FUCA1: variants seen among roughly 807,000 people sequenced by gnomAD.
The protein encoded by FUCA1 is alpha-L-fucosidase 1.
A neutral mutation model predicts 56.8 loss-of-function variants in FUCA1; 52 were observed. That is an observed-to-expected ratio of 0.92 (90% CI 0.73 to 1.15). FUCA1 has a LOEUF of 1.15. Among genes scored for constraint, FUCA1 ranks in the 50% most tolerant of loss-of-function variants. The pLI is 0.00. For synonymous variants in FUCA1, 230 were observed against 226.6 expected (o/e 1.02, Z -0.14); for missense variants, 568 against 592.6 (o/e 0.96, Z 0.43).
chr1:23,856,746 C>T (rs1321567726), intron 4 of FUCA1, among the ~76,000 whole-genome samples: 1 of 152,128 alleles, frequency 6.6e-6, no homozygotes, highest in Non-Finnish European at 1.5e-5. Flanking sequence ...AATCCCAGCA[C>T]TTTGGGAGGC....
rs1455700210 is a variant in FUCA1, at chr1:23,868,256, C to T, written c.31G>A (p.Ala11Thr). 3 of 1,557,690 alleles carry T rather than the reference C, an allele frequency of 1.9e-6. No homozygotes were observed. The highest frequency in any genetic ancestry group is 1.7e-6 in the Non-Finnish European group (2 of 1,153,020). MRAPGMRSRPAGPALLLLLLF... is the reference protein window; with the variant it reads MRAPGMRSRPTGPALLLLLLF... Reference sequence around the variant, plus strand: ...AGCAGCAGCAACAGCGCGGGACCCGCCGGCCGCGACCTCATCCCCGGAGCC... The same window carrying T: ...AGCAGCAGCAACAGCGCGGGACCCGTCGGCCGCGACCTCATCCCCGGAGCC... Residue 11 changes from alanine to threonine, a missense_variant, in exon 1 of 8, where the codon GCG becomes ACG. Physicochemically the swap from Ala to Thr is moderately conservative, Grantham distance 58 (BLOSUM62 0). Transcript: ENST00000374479.
intron 5 of FUCA1, among the ~76,000 whole-genome samples, chr1:23,851,313 G>A (rs535157188): frequency 2.7e-4 from 41 of 152,120 alleles, no homozygotes; most frequent in African/African-American, 9.6e-4. Context: ...GCAGCAGACC[G>A]AGATCGCACC....
chr1:23,849,571 C>T (rs548454884), intron 5 of FUCA1, among the ~76,000 whole-genome samples: 48 of 140,448 alleles, frequency 3.4e-4, no homozygotes, highest in African/African-American at 1.2e-3. Context: ...TAAAGAGATA[C>T]GTTCTTTTTT....
chr1:23,867,653 T>G lies in FUCA1; in HGVS notation c.389+245A>C, dbSNP rs1639652158. ...TAACTCAGCCCTCTCGGTGCACAGG[T>G]GCAGATACCCAGGGCTTCCCAGCCT... is the stretch of plus-strand genomic sequence containing the variant. On this transcript the variant is annotated intron_variant, in intron 1 of 7. Coordinates refer to ENST00000374479, the MANE Select transcript of FUCA1 (RefSeq NM_000147.5). The surrounding 1 kb of genome is among the most constrained non-coding windows in gnomAD (Gnocchi z 4.9). The G allele has an allele frequency of 1.1e-6, 1 of 902,478 alleles. No homozygotes were observed. The highest frequency in any genetic ancestry group is 1.3e-6 in the Non-Finnish European group (1 of 754,528). The allele number at this position is 902,478 out of a possible 1,614,324, so 55.9% of individuals were successfully genotyped here.
In FUCA1 at chr1:23,863,113, C is replaced by A. The variant is rs569022632; in HGVS notation, c.662+21G>T. The A allele has an allele frequency of 8.7e-5, 140 of 1,613,340 alleles. No homozygotes were observed. The South Asian group carries it at 1.5e-3, about 17-fold the overall frequency. The stretch of plus-strand genomic sequence containing the variant: ...ATTTCATTGATAAAAGTCATAGGGC[C>A]AAAATATTTCAGTGTCTTACCTGTT... On this transcript the variant is annotated intron_variant, in intron 3 of 7. Coordinates refer to ENST00000374479, the MANE Select transcript of FUCA1 (RefSeq NM_000147.5).
chr1:23,846,068 CTT>C lies in FUCA1; in HGVS notation c.1260+4_1260+5del, dbSNP rs1173109719. ...TTACATCTTAAGACTGACTAAGCCT[CTT>C]TACCTTTGTAGTTGAGGTAGTTATG... On this transcript the variant is annotated splice_donor_5th_base_variant and intron_variant, in intron 7 of 7. Coordinates refer to ENST00000374479, the MANE Select transcript of FUCA1 (RefSeq NM_000147.5). The C allele has an allele frequency of 3.7e-6, 6 of 1,606,348 alleles. No individual in the cohort carries two copies. In the Admixed American group the frequency reaches 6.7e-5, roughly 18 times the overall value.
rs998093952 is a variant in FUCA1 at position 23,867,676 on chromosome 1, C to G, written c.389+222G>C. The G allele has an allele frequency of 1.0e-6, 1 of 974,820 alleles. No homozygotes were observed. The highest frequency in any genetic ancestry group is 1.8e-5 in the African/African-American group (1 of 56,976). 60.4% of individuals were successfully genotyped at this position (974,820 alleles called of 1,614,324 possible). ...GGTGCAGATACCCAGGGCTTCCCAGCCTGCCATCTCCCTGAACCTTCATTT... is the reference window on the plus strand; with the variant it reads ...GGTGCAGATACCCAGGGCTTCCCAGGCTGCCATCTCCCTGAACCTTCATTT... On this transcript the variant is annotated intron_variant, in intron 1 of 7. Coordinates refer to ENST00000374479, the MANE Select transcript of FUCA1 (RefSeq NM_000147.5). The surrounding 1 kb of genome is among the most constrained non-coding windows in gnomAD (Gnocchi z 4.9).
intron 4 of FUCA1, among the ~76,000 whole-genome samples, chr1:23,858,754 ATTTT>A (rs1423854809): frequency 6.6e-6 from 1 of 151,898 alleles, no homozygotes; most frequent in African/African-American, 2.4e-5. Flanking sequence ...TGTTTTCTTT[ATTTT>A]TATTTTTTGG....
intron 3 of FUCA1, among the ~76,000 whole-genome samples, chr1:23,861,784 G>C (rs1343935415): frequency 6.6e-6 from 1 of 152,196 alleles, no homozygotes; most frequent in Non-Finnish European, 1.5e-5. Context: ...AGGCTTGTAA[G>C]TAACAGGAGG....
In FUCA1 at chr1:23,863,857, A is replaced by AAAAAC. The variant is rs548255965; in HGVS notation, c.525-591_525-587dup. 1.8e-3 allele frequency among the ~76,000 whole-genome samples: 275 copies of AAAAAC among 152,256 alleles called. 5 individuals carry two copies. The East Asian group carries it at 0.042, about 23-fold the overall frequency. ...ACAGAGTGAGACCCTGTCTCAAAACAAAAACAAAACAAAACAAAACAAAAA... is the reference window on the plus strand; with the variant it reads ...ACAGAGTGAGACCCTGTCTCAAAACAAAAACAAAACAAAACAAAACAAAACAAAAA... On this transcript the variant is annotated intron_variant, in intron 2 of 7. Coordinates refer to ENST00000374479, the MANE Select transcript of FUCA1 (RefSeq NM_000147.5).
chr1:23,858,691 G>C (rs1307237255), intron 4 of FUCA1, among the ~76,000 whole-genome samples: 1 of 152,146 alleles, frequency 6.6e-6, no homozygotes, highest in Non-Finnish European at 1.5e-5. Flanking sequence ...GGGATTGTAG[G>C]CATCTGCATT....
At position 23,865,415 on chromosome 1, in the gene FUCA1, C is replaced by T. The variant is rs575731551; in HGVS notation, c.524+76G>A. 3.3e-4 allele frequency: 518 copies of T among 1,586,892 alleles called. 1 individual carries two copies. The African/African-American group carries it at 5.2e-3, about 16-fold the overall frequency. Reference sequence around the variant, plus strand: ...GCTATATGCAAACCTAGAAAACACACGCAAGTAGAGGAGGTACAGAACTCT... The same window carrying T: ...GCTATATGCAAACCTAGAAAACACATGCAAGTAGAGGAGGTACAGAACTCT... On this transcript the variant is annotated intron_variant, in intron 2 of 7. Transcript: ENST00000374479.
In FUCA1 at chr1:23,853,132, C is replaced by T. The variant is rs1318427952; in HGVS notation, c.969+1228G>A. On this transcript the variant is annotated intron_variant, in intron 5 of 7. Transcript: ENST00000374479. The stretch of plus-strand genomic sequence containing the variant: ...GGGGAGCGCCTCTGCCCCGCCGCCC[C>T]GTCTGGGATGTGAGGAGCGCCTCTG... Among the ~76,000 whole-genome samples, 20 of 147,832 alleles carry T rather than the reference C, an allele frequency of 1.4e-4. 1 individual carries two copies. The highest frequency in any genetic ancestry group is 3.5e-3 in the Middle Eastern group (1 of 282).
rs764521407 is a variant in FUCA1, at chr1:23,848,687, T to C, written c.1122A>G (p.Pro374=). The C allele has an allele frequency of 5.6e-6, 9 of 1,614,200 alleles. No homozygotes were observed. The South Asian group carries it at 6.6e-5, about 12-fold the overall frequency. ...TGTTCTTTTCCCATTGCACCCGCCA[T>C]GGTTTGGAGGCATAGATAGCCTCCC... ...INGEAIYASK[P]WRVQWEKNTT... Residue 374 remains proline, a synonymous_variant, in exon 6 of 8, where the codon CCA becomes CCG. Coordinates refer to ENST00000374479, the MANE Select transcript of FUCA1 (RefSeq NM_000147.5).
At chr1:23,845,876 T>C (rs1639128813) in intron 7 of FUCA1, 21 bp from the exon 8 acceptor site, 9 of 1,613,960 alleles carry the variant, frequency 5.6e-6, no homozygotes, top group Non-Finnish European at 7.6e-6. Flanking sequence ...CAAAAGGGAA[T>C]GAAACAAACT....
chr1:23,865,361 T>C (rs1325153036), intron 2 of FUCA1, 130 bp downstream of exon 2: 1 of 1,170,734 alleles, frequency 8.5e-7, no homozygotes, highest in Non-Finnish European at 1.3e-6. Flanking sequence ...CACACAGGAG[T>C]AGAAGGCCAA....
In FUCA1 at chr1:23,868,086, G is replaced by A; in HGVS notation, c.201C>T (p.Phe67=). Residue 67 remains phenylalanine, a synonymous_variant, in exon 1 of 8, where the codon TTC becomes TTT. Transcript: ENST00000374479. ...ACTCGCTGCCCCAGGCGGGCACCGA[G>A]AACACGCCCCAGTGGATGAACACCC... ...KFGVFIHWGV[F]SVPAWGSEWF... 1 of 1,611,842 alleles carries A rather than the reference G, an allele frequency of 6.2e-7. No individual in the cohort carries two copies. Among genetic ancestry groups the A allele is most frequent in the Non-Finnish European group, 8.5e-7 (1 of 1,179,594 alleles).
intron 4 of FUCA1, among the ~76,000 whole-genome samples, chr1:23,855,696 T>C (rs571346750): frequency 1.4e-4 from 21 of 152,332 alleles, no homozygotes; most frequent in African/African-American, 4.8e-4. Context: ...TTCAATCCAA[T>C]GTCTGGTACT....
rs34570472 is a variant in FUCA1 at position 23,865,230 on chromosome 1, A to G, written c.524+261T>C. ...TTGGGTATCCTTCATCTAACCAGAC[A>G]TGGCCATGAACTTCTGTAACGGTGT... On this transcript the variant is annotated intron_variant, in intron 2 of 7. Coordinates refer to ENST00000374479, the MANE Select transcript of FUCA1 (RefSeq NM_000147.5). Among the ~76,000 whole-genome samples, 40,881 of 152,120 alleles carry G rather than the reference A, an allele frequency of 0.27. 6,051 individuals carry two copies. Among genetic ancestry groups the G allele is most frequent in the Non-Finnish European group, 0.34 (22,812 of 68,000 alleles).
Sources: gnomAD v4.1 joint callset for allele counts (sites outside exome capture counted in the v4.1 genomes callset) on GRCh38, gnomAD v4.1.1 for gene constraint, Gnocchi (gnomAD v3.1) non-coding constraint, MANE v1.5 for transcripts, NCBI Gene and HGNC (gene_info 2026-07-23, HGNC 2026-07-21) for gene names.